Variants in TENM2 observed in about 807,000 individuals in gnomAD.
The protein encoded by TENM2 is teneurin-2.
In TENM2, 52 loss-of-function variants were observed where a neutral mutation model predicts 245.2. That is an observed-to-expected ratio of 0.21 (90% CI 0.17 to 0.27). The LOEUF (loss-of-function observed/expected upper bound fraction) is 0.27, where lower values mean the gene tolerates loss of function less well. Ranked by LOEUF, TENM2 falls within the 10% of genes least tolerant of loss-of-function variation. The pLI is 1.00. For synonymous variants in TENM2, 1,363 were observed against 1,438.9 expected (o/e 0.95, Z 1.19); for missense variants, 3,046 against 3,666.8 (o/e 0.83, Z 4.37).
chr5:167,102,264 A>G, the TENM2 span, among the ~76,000 whole-genome samples: 7 of 151,998 alleles, frequency 4.6e-5, no homozygotes, highest in Non-Finnish European at 7.4e-5. Flanking sequence ...ATATATTTCA[A>G]TGTTGCCACA....
the TENM2 span, among the ~76,000 whole-genome samples, chr5:167,084,333 A>G: frequency 1.5e-5 from 1 of 66,664 alleles, no homozygotes; most frequent in East Asian, 4.4e-4. Context: ...TTAGTTATAT[A>G]TATATATATA....
chr5:167,551,593 T>A lies in TENM2; in HGVS notation c.502+176120T>A, dbSNP rs78170217. Among the ~76,000 whole-genome samples the A allele has an allele frequency of 1.5e-4, 23 of 152,290 alleles. No homozygotes were observed. In the East Asian group the frequency reaches 4.1e-3, roughly 27 times the overall value. On this transcript the variant is annotated intron_variant, in intron 2 of 28. Coordinates refer to ENST00000518659, the Ensembl canonical transcript of TENM2. ...TAACCAATCTCTCTATATGGATATA[T>A]ACACACACATACATACATACACACA...
chr5:167,269,717 C>T, the TENM2 span, among the ~76,000 whole-genome samples: 4 of 152,236 alleles, frequency 2.6e-5, no homozygotes, highest in Admixed American at 2.6e-4. Context: ...CACTCATTCA[C>T]TCTCTTCTTC....
chr5:167,306,369 G>GT (rs907831628), intron 1 of TENM2: 8 of 152,224 alleles, frequency 5.3e-5, no homozygotes, highest in African/African-American at 1.9e-4. Flanking sequence ...GAGACACACA[G>GT]TAAGTACTGG....
the TENM2 span, among the ~76,000 whole-genome samples, chr5:167,276,309 A>G: frequency 6.6e-6 from 1 of 150,618 alleles, no homozygotes; most frequent in Non-Finnish European, 1.5e-5. Flanking sequence ...CTTTTTAAAC[A>G]TTTGGTAGAA....
At chr5:168,224,802 C>T (rs1303095178) in intron 23 of TENM2, among the ~76,000 whole-genome samples, 4 of 152,200 alleles carry the variant, frequency 2.6e-5, no homozygotes, top group African/African-American at 7.2e-5. Flanking sequence ...TTCTTCCTCC[C>T]CTTCCTCCTC....
chr5:168,070,129 TC>T (rs1790859029), intron 7 of TENM2, among the ~76,000 whole-genome samples: 1 of 152,190 alleles, frequency 6.6e-6, no homozygotes, highest in African/African-American at 2.4e-5. Flanking sequence ...CATAAAATGC[TC>T]CTCTTTTGAC....
At chr5:167,701,163 T>C (rs1249660883) in intron 2 of TENM2, among the ~76,000 whole-genome samples, 1 of 152,164 alleles carries the variant, frequency 6.6e-6, no homozygotes, top group East Asian at 1.9e-4. Context: ...GTGTGAGGTC[T>C]ATGGAAAATG....
At chr5:167,997,885 A>C (rs1019556083) in intron 5 of TENM2, among the ~76,000 whole-genome samples, 1 of 152,156 alleles carries the variant, frequency 6.6e-6, no homozygotes, top group South Asian at 2.1e-4. Flanking sequence ...ATTACAAAAA[A>C]TTGCTTCCCA....
the TENM2 span, among the ~76,000 whole-genome samples, chr5:167,222,297 C>T: frequency 6.6e-6 from 1 of 152,172 alleles, no homozygotes; most frequent in African/African-American, 2.4e-5. Context: ...TTGAATACAA[C>T]CTTAAACTTT....
chr5:168,099,558 T>A (rs887555190), intron 9 of TENM2, among the ~76,000 whole-genome samples: 2 of 152,200 alleles, frequency 1.3e-5, no homozygotes, highest in African/African-American at 4.8e-5. Context: ...TATTTATATG[T>A]TTAACTAATC....
At chr5:167,351,201 A>G (rs1380294302) in intron 1 of TENM2, among the ~76,000 whole-genome samples, 2 of 150,768 alleles carry the variant, frequency 1.3e-5, no homozygotes, top group Non-Finnish European at 3.0e-5. Context: ...GGATATATAT[A>G]TATGGGATAT....
At chr5:167,044,060 G>GGAAA in the TENM2 span, among the ~76,000 whole-genome samples, 1 of 151,412 alleles carries the variant, frequency 6.6e-6, no homozygotes, top group Non-Finnish European at 1.5e-5. Flanking sequence ...AAGGAAGGAA[G>GGAAA]GAAGGAAGGA....
At chr5:168,099,631 A>C (rs1466369995) in intron 9 of TENM2, among the ~76,000 whole-genome samples, 1 of 152,198 alleles carries the variant, frequency 6.6e-6, no homozygotes, top group African/African-American at 2.4e-5. Context: ...CTGCAAGACA[A>C]TCATTAATAA....
At position 167,598,944 on chromosome 5, in the gene TENM2, G is replaced by A. The variant is rs115254017; in HGVS notation, c.502+223471G>A. On this transcript the variant is annotated intron_variant, in intron 2 of 28. Transcript: ENST00000518659. ...TTTTGAACTTCATTTGAGCAACTGC[G>A]CTCTCCTAGCAAAGCCTCAAAGATT... Among the ~76,000 whole-genome samples, 1,193 of 152,180 alleles carry A rather than the reference G, an allele frequency of 7.8e-3. 16 individuals are homozygous for A. The highest frequency in any genetic ancestry group is 0.027 in the African/African-American group (1,126 of 41,520).
intron 2 of TENM2, among the ~76,000 whole-genome samples, chr5:167,417,704 A>T (rs1229412121): frequency 6.6e-6 from 1 of 152,106 alleles, no homozygotes; most frequent in African/African-American, 2.4e-5. Flanking sequence ...GTGTGAAACA[A>T]CTTGCCCACC....
At chr5:167,835,395 T>A (rs1768899232) in intron 2 of TENM2, among the ~76,000 whole-genome samples, 1 of 152,192 alleles carries the variant, frequency 6.6e-6, no homozygotes, top group South Asian at 2.1e-4. Flanking sequence ...TGTCATTCTT[T>A]TAGTATGATC....
chr5:167,837,219 A>G (rs911995066), intron 2 of TENM2, among the ~76,000 whole-genome samples: 11 of 152,306 alleles, frequency 7.2e-5, no homozygotes, highest in Non-Finnish European at 1.3e-4. Flanking sequence ...TTATTTAAGC[A>G]TTCCACCCCT....
At chr5:167,259,036 C>A in the TENM2 span, among the ~76,000 whole-genome samples, 1 of 152,182 alleles carries the variant, frequency 6.6e-6, no homozygotes, top group Admixed American at 6.6e-5. Context: ...CAGGGTCCCA[C>A]TCCCAGAGTT....
Sources: gnomAD v4.1 joint callset for allele counts (sites outside exome capture counted in the v4.1 genomes callset) on GRCh38, gnomAD v4.1.1 for gene constraint, MANE v1.5 for transcripts, NCBI Gene and HGNC (gene_info 2026-07-23, HGNC 2026-07-21) for gene names.